SETDB2: variants seen among roughly 807,000 people sequenced by gnomAD.
The protein encoded by SETDB2 is histone-lysine N-methyltransferase SETDB2.
A neutral mutation model predicts 82.5 loss-of-function variants in SETDB2; 56 were observed. The observed-to-expected ratio is 0.68, with a 90% CI of 0.55 to 0.85. The LOEUF is 0.85. Ranked by LOEUF, SETDB2 falls within the 40% of genes least tolerant of loss-of-function variation. SETDB2 has a pLI of 0.00. For synonymous variants in SETDB2, 272 were observed against 284.9 expected, an observed-to-expected ratio of 0.95 and a Z score of 0.46; for missense variants, 677 against 816.4, an observed-to-expected ratio of 0.83 and a Z score of 2.08.
intron 2 of SETDB2, chr13:49,459,848 G>A: frequency 3.3e-6 from 1 of 302,310 alleles, no homozygotes. Flanking sequence ...TCTTCCTTCT[G>A]TTTTCTAGTC....
At chr13:49,475,052 A>G (rs1958327484) in intron 5 of SETDB2, among the ~76,000 whole-genome samples, 2 of 152,178 alleles carry the variant, frequency 1.3e-5, no homozygotes, top group Non-Finnish European at 2.9e-5. Flanking sequence ...GGCAATTTAC[A>G]AAAGAAGGAG....
At chr13:49,465,107 T>C (rs1291247605) in intron 4 of SETDB2, among the ~76,000 whole-genome samples, 2 of 152,110 alleles carry the variant, frequency 1.3e-5, no homozygotes, top group African/African-American at 4.8e-5. Flanking sequence ...AGCATTTATT[T>C]TAAAAAGAAG....
chr13:49,477,095 TAAG>T (rs1313539291), intron 6 of SETDB2, 56 bp downstream of exon 6: 3 of 1,429,688 alleles, frequency 2.1e-6, no homozygotes, highest in African/African-American at 1.4e-5. Flanking sequence ...GGACGCTTGT[TAAG>T]AAGTCTTGCT....
chr13:49,446,060 A>G (rs889680944), intron 1 of SETDB2: 5 of 217,284 alleles, frequency 2.3e-5, no homozygotes, highest in Non-Finnish European at 3.7e-5. Flanking sequence ...CCTCATGTCT[A>G]AAAAAAAATA....
At position 49,451,644 on chromosome 13, in the gene SETDB2, C is replaced by A; in HGVS notation, c.-250C>A. The A allele has an allele frequency of 3.0e-6, 1 of 331,392 alleles. No homozygotes were observed. Among genetic ancestry groups the A allele is most frequent in the Non-Finnish European group, 5.5e-6 (1 of 181,276 alleles). The allele number at this position is 331,392 out of a possible 1,614,324, so 20.5% of individuals were successfully genotyped here. On this transcript the variant is annotated 5_prime_UTR_variant, in exon 2 of 14. Transcript: ENST00000611815. The stretch of plus-strand genomic sequence containing the variant: ...GATCTGATACCACTACAAATATTTA[C>A]GTGAGAAGATTCATGGACTTGTCTT...
chr13:49,485,752 A>C, intron 11 of SETDB2, 29 bp downstream of exon 11: 1 of 1,536,692 alleles, frequency 6.5e-7, no homozygotes, highest in Non-Finnish European at 9.0e-7. Context: ...GTGAATGCCT[A>C]CCTCTTCTGC....
intron 5 of SETDB2, among the ~76,000 whole-genome samples, chr13:49,472,851 T>A (rs969520779): frequency 2.0e-5 from 3 of 152,222 alleles, no homozygotes; most frequent in Non-Finnish European, 4.4e-5. Context: ...TTTCTCAGTG[T>A]TAATTGCTCA....
chr13:49,446,349 A>G, intron 1 of SETDB2: 4 of 455,208 alleles, frequency 8.8e-6, no homozygotes, highest in Non-Finnish European at 1.3e-5. Context: ...TTCCTTCTTG[A>G]AAGTTCGTAT....
In SETDB2 at chr13:49,471,263, C is replaced by T. The variant is rs759898806; in HGVS notation, c.305+3303C>T. Reference sequence around the variant, plus strand: ...AAGTGCTGGGATTACAGGCATGAGCCACCACACCCAGCCAGTATTCTATTC... The same window carrying T: ...AAGTGCTGGGATTACAGGCATGAGCTACCACACCCAGCCAGTATTCTATTC... On this transcript the variant is annotated intron_variant, in intron 5 of 13. Transcript: ENST00000611815. 9.9e-4 allele frequency among the ~76,000 whole-genome samples: 150 copies of T among 152,160 alleles called. 1 individual carries two copies. Among genetic ancestry groups the T allele is most frequent in the Non-Finnish European group, 1.7e-3 (117 of 68,018 alleles).
At chr13:49,463,796 C>G (rs1412639627) in intron 4 of SETDB2, among the ~76,000 whole-genome samples, 1 of 152,074 alleles carries the variant, frequency 6.6e-6, no homozygotes, top group Non-Finnish European at 1.5e-5. Context: ...ACACTCATAC[C>G]ATAAGAGAAA....
intron 5 of SETDB2, among the ~76,000 whole-genome samples, chr13:49,469,627 A>C (rs1375799314): frequency 6.6e-6 from 1 of 152,160 alleles, no homozygotes; most frequent in East Asian, 1.9e-4. Context: ...CCTTTTTAAA[A>C]ATCAGGGCAG....
In SETDB2 at chr13:49,494,618, CTT is replaced by C. The variant is rs1958771020; in HGVS notation, c.*2771_*2772del. ...TCATTTTGGCCTGGCAAGAAATACT[CTT>C]TCATCCTCCTGCATGGAGGGCAAAA... is the stretch of plus-strand genomic sequence containing the variant. On this transcript the variant is annotated 3_prime_UTR_variant, in exon 14 of 14. Coordinates refer to ENST00000611815, the MANE Select transcript of SETDB2 (RefSeq NM_001160308.3). The C allele has an allele frequency of 6.6e-6, 1 of 152,018 alleles. No individual in the cohort carries two copies. Among genetic ancestry groups the C allele is most frequent in the Non-Finnish European group, 1.5e-5 (1 of 68,022 alleles). 9.4% of individuals were successfully genotyped at this position (152,018 alleles called of 1,614,324 possible). A position where few individuals can be genotyped will look rare whatever the true frequency, so the allele number is the denominator to read the frequency against.
chr13:49,467,774 G>C, intron 4 of SETDB2, 90 bp from the exon 5 acceptor site: 1 of 880,562 alleles, frequency 1.1e-6, no homozygotes, highest in Admixed American at 3.0e-5. Flanking sequence ...CATATGGGCA[G>C]ACTCTAGTCA....
At chr13:49,463,721 A>T (rs1485478149) in intron 4 of SETDB2, among the ~76,000 whole-genome samples, 1 of 151,560 alleles carries the variant, frequency 6.6e-6, no homozygotes, top group African/African-American at 2.4e-5. Context: ...CATGACCTTC[A>T]CTCCACCACT....
At chr13:49,468,071 A>C (rs1214528689) in intron 5 of SETDB2, 111 bp downstream of exon 5, 5 of 590,092 alleles carry the variant, frequency 8.5e-6, no homozygotes, top group Non-Finnish European at 1.3e-5. Flanking sequence ...TTCCCATTAA[A>C]GCTTTAAAAG....
chr13:49,468,104 T>G, intron 5 of SETDB2, 144 bp downstream of exon 5: 1 of 477,660 alleles, frequency 2.1e-6, no homozygotes, highest in Admixed American at 4.1e-5. Context: ...GTATTTTATG[T>G]AAGATAGAAT....
chr13:49,483,622 T>G (rs1320371258), intron 10 of SETDB2, 59 bp downstream of exon 10: 2 of 368,350 alleles, frequency 5.4e-6, no homozygotes, highest in South Asian at 3.5e-5. Context: ...TTTTTTTTTT[T>G]TTTTTTTTTT....
chr13:49,465,466 CTTA>C (rs1339081623), intron 4 of SETDB2, among the ~76,000 whole-genome samples: 2 of 152,042 alleles, frequency 1.3e-5, no homozygotes, highest in African/African-American at 2.4e-5. Flanking sequence ...GTCAGAAACT[CTTA>C]TTATTTGTAA....
intron 6 of SETDB2, among the ~76,000 whole-genome samples, chr13:49,479,272 G>A (rs1027704030): frequency 1.3e-5 from 2 of 152,104 alleles, no homozygotes; most frequent in Non-Finnish European, 2.9e-5. Flanking sequence ...TATATACAGG[G>A]AAGAGAACTA....
Sources: gnomAD v4.1 joint callset for allele counts (sites outside exome capture counted in the v4.1 genomes callset) on GRCh38, gnomAD v4.1.1 for gene constraint, MANE v1.5 for transcripts, NCBI Gene and HGNC (gene_info 2026-07-23, HGNC 2026-07-21) for gene names.